Variants in SNTG2 observed in about 807,000 individuals in gnomAD.
SNTG2 encodes the protein gamma-2-syntrophin.
A neutral mutation model predicts 70.9 loss-of-function variants in SNTG2; 74 were observed. The observed-to-expected ratio is 1.04, with a 90% CI of 0.86 to 1.27. The LOEUF (loss-of-function observed/expected upper bound fraction) is 1.27, where lower values mean the gene tolerates loss of function less well. SNTG2 is among the 50% of genes most tolerant of loss of function. The probability of loss-of-function intolerance (pLI) is 0.00; values close to 1 mark genes in which losing one functional copy is unlikely to be tolerated. For synonymous variants in SNTG2, 278 were observed against 273.8 expected (o/e 1.02, Z -0.15); for missense variants, 717 against 690.7 (o/e 1.04, Z -0.43).
chr2:1,308,717 G>T, intron 15 of SNTG2, 131 bp downstream of exon 15: 1 of 734,612 alleles, frequency 1.4e-6, no homozygotes, highest in Non-Finnish European at 2.3e-6. Context: ...CAGAGGCCTT[G>T]CTTTCATAGA....
At chr2:1,319,962 A>C (rs955596479) in intron 16 of SNTG2, among the ~76,000 whole-genome samples, 5 of 152,250 alleles carry the variant, frequency 3.3e-5, no homozygotes, top group African/African-American at 1.2e-4. Flanking sequence ...TGTTGTCTTA[A>C]GAAATAGGAA....
intron 1 of SNTG2, among the ~76,000 whole-genome samples, chr2:1,021,007 G>C (rs1660137157): frequency 6.6e-6 from 1 of 152,154 alleles, no homozygotes; most frequent in African/African-American, 2.4e-5. Flanking sequence ...AAGAAGAATA[G>C]CTTTTCCTCA....
intron 15 of SNTG2, among the ~76,000 whole-genome samples, chr2:1,314,915 G>C (rs557065804): frequency 6.6e-6 from 1 of 152,252 alleles, no homozygotes; most frequent in Non-Finnish European, 1.5e-5. Flanking sequence ...AGAACAGCAT[G>C]GGAAAGACCT....
intron 9 of SNTG2, among the ~76,000 whole-genome samples, chr2:1,224,796 A>C (rs1190794783): frequency 3.9e-5 from 6 of 151,984 alleles, no homozygotes; most frequent in Non-Finnish European, 7.3e-5. Context: ...GGCTCGCCTC[A>C]CTCTATGGCT....
chr2:1,168,703 A>G (rs898815414), intron 7 of SNTG2, among the ~76,000 whole-genome samples: 2 of 152,206 alleles, frequency 1.3e-5, no homozygotes, highest in Non-Finnish European at 2.9e-5. Context: ...TCTTCCTGCC[A>G]TTGTAGCAAA....
chr2:1,276,267 C>T (rs1458136926), intron 14 of SNTG2, among the ~76,000 whole-genome samples: 1 of 152,186 alleles, frequency 6.6e-6, no homozygotes, highest in Non-Finnish European at 1.5e-5. Flanking sequence ...AAGAAGATGC[C>T]ATCTAGGAAT....
At chr2:1,307,145 G>T (rs542778686) in intron 14 of SNTG2, among the ~76,000 whole-genome samples, 5 of 144,800 alleles carry the variant, frequency 3.5e-5, no homozygotes, top group Non-Finnish European at 6.1e-5. Flanking sequence ...TGTGTGGTGG[G>T]AGCCATGTGC....
intron 8 of SNTG2, among the ~76,000 whole-genome samples, chr2:1,181,706 A>G (rs1001407415): frequency 1.5e-5 from 2 of 134,572 alleles, no homozygotes; most frequent in Non-Finnish European, 3.2e-5. Context: ...TAAATTACTA[A>G]CTACTGCTTT....
At chr2:1,056,184 G>A (rs1662382323) in intron 1 of SNTG2, among the ~76,000 whole-genome samples, 1 of 142,844 alleles carries the variant, frequency 7.0e-6, no homozygotes, top group Non-Finnish European at 1.5e-5. Context: ...CTGAAGGAAG[G>A]AGTTGAATAA....
chr2:1,071,647 TAA>T (rs1491347572), intron 1 of SNTG2, among the ~76,000 whole-genome samples: 37 of 24,440 alleles, frequency 1.5e-3, no homozygotes, highest in African/African-American at 2.4e-3. Flanking sequence ...TAAAGTATAA[TAA>T]TAAAAAAAAA....
chr2:1,277,788 G>A lies in SNTG2; in HGVS notation c.1284+10217G>A, dbSNP rs190441115. Among the ~76,000 whole-genome samples the A allele has an allele frequency of 6.4e-3, 975 of 152,280 alleles. 6 individuals carry two copies. The highest frequency in any genetic ancestry group is 0.011 in the Non-Finnish European group (777 of 68,026). On this transcript the variant is annotated intron_variant, in intron 14 of 16. Transcript: ENST00000308624. ...CACCTGCAGGAGGTTTTTGTGCAGGGCTATGCAGGGGAGGAGGGAAGACAG... is the reference window on the plus strand; with the variant it reads ...CACCTGCAGGAGGTTTTTGTGCAGGACTATGCAGGGGAGGAGGGAAGACAG...
At chr2:1,197,283 T>C (rs899451399) in intron 8 of SNTG2, among the ~76,000 whole-genome samples, 1 of 151,906 alleles carries the variant, frequency 6.6e-6, no homozygotes, top group Admixed American at 6.6e-5. Context: ...GAAAAAGCTA[T>C]TCTATACAAA....
intron 12 of SNTG2, among the ~76,000 whole-genome samples, chr2:1,252,562 C>T (rs537591565): frequency 6.6e-6 from 1 of 152,254 alleles, no homozygotes; most frequent in South Asian, 2.1e-4. Context: ...GTGCTGGGCT[C>T]CTGCTGCCTG....
At chr2:971,803 A>G (rs1660752317) in intron 1 of SNTG2, among the ~76,000 whole-genome samples, 1 of 151,882 alleles carries the variant, frequency 6.6e-6, no homozygotes, top group Non-Finnish European at 1.5e-5. Context: ...TCAGCACTAT[A>G]AACTTTTGTC....
chr2:1,292,297 C>A (rs1377106938), intron 14 of SNTG2, among the ~76,000 whole-genome samples: 2 of 151,962 alleles, frequency 1.3e-5, no homozygotes, highest in African/African-American at 4.8e-5. Flanking sequence ...TGCTTGTGAA[C>A]AATGATAATT....
At chr2:1,270,385 G>T (rs182053980) in intron 14 of SNTG2, among the ~76,000 whole-genome samples, 1 of 152,182 alleles carries the variant, frequency 6.6e-6, no homozygotes, top group East Asian at 1.9e-4. Context: ...TAAGTCAAAC[G>T]CCTAATACTC....
chr2:1,041,302 G>C (rs1022520503), intron 1 of SNTG2, among the ~76,000 whole-genome samples: 6 of 152,196 alleles, frequency 3.9e-5, no homozygotes, highest in Admixed American at 2.0e-4. Flanking sequence ...AGCCCCAACA[G>C]TCAGGAAGAT....
intron 8 of SNTG2, among the ~76,000 whole-genome samples, chr2:1,202,300 G>A (rs1328358033): frequency 8.7e-6 from 1 of 114,766 alleles, no homozygotes; most frequent in Admixed American, 9.9e-5. Flanking sequence ...TAGAACCAAG[G>A]GCACAGTCAG....
intron 4 of SNTG2, among the ~76,000 whole-genome samples, chr2:1,132,946 G>C (rs952483378): frequency 6.6e-6 from 1 of 152,144 alleles, no homozygotes; most frequent in Non-Finnish European, 1.5e-5. Flanking sequence ...GTTTAGTTTT[G>C]CTTGGTTTTG....
Sources: gnomAD v4.1 joint callset for allele counts (sites outside exome capture counted in the v4.1 genomes callset) on GRCh38, gnomAD v4.1.1 for gene constraint, MANE v1.5 for transcripts, NCBI Gene and HGNC (gene_info 2026-07-23, HGNC 2026-07-21) for gene names.